Variants in ASAP2 observed in about 807,000 individuals in gnomAD.
ASAP2 encodes the protein arf-GAP with SH3 domain, ANK repeat and PH domain-containing protein 2.
ASAP2 carries 45 observed loss-of-function variants against 131.4 expected under a neutral mutation model. That is an observed-to-expected ratio of 0.34 (90% CI 0.27 to 0.44). The LOEUF (loss-of-function observed/expected upper bound fraction) is 0.44. Ranked by LOEUF, ASAP2 falls within the 20% of genes least tolerant of loss-of-function variation. The probability of loss-of-function intolerance (pLI) is 1.00; values close to 1 mark genes in which losing one functional copy is unlikely to be tolerated. For missense variants in ASAP2, 1,011 were observed against 1,297.0 expected (o/e 0.78, Z 3.39); for synonymous variants, 510 against 503.0 (o/e 1.01, Z -0.19).
Position 9,389,395 on chromosome 2 carries a change from G to A in ASAP2, c.2383+849G>A, listed in dbSNP as rs1455369784. On this transcript the variant is annotated intron_variant, in intron 22 of 27. Coordinates refer to ENST00000281419, the MANE Select transcript of ASAP2 (RefSeq NM_003887.3). This position sits in a 1 kb window ranked among gnomAD's most constrained non-coding sequence, Gnocchi z 4.7. ...CCAGGCATTGTGGCCGCTGTGAGCC[G>A]CTGATGGAGTGGAGCCCACGTCCCC... is the stretch of plus-strand genomic sequence containing the variant. Among the ~76,000 whole-genome samples, 2 of 152,216 alleles carry A rather than the reference G, an allele frequency of 1.3e-5. No homozygotes were observed. Among genetic ancestry groups the A allele is most frequent in the Non-Finnish European group, 2.9e-5 (2 of 68,036 alleles).
Position 9,391,195 on chromosome 2 carries a change from CAG to C in ASAP2, c.2518_2518+1del. The stretch of plus-strand genomic sequence containing the variant: ...TGCCCCCTCTTCGCGTGACATCTAC[CAG>C]TACGTTTTTTTCCTTTTTCCTTTCT... On this transcript the variant is annotated splice_donor_variant and coding_sequence_variant, in exon 23 of 28. Coordinates refer to ENST00000281419, the MANE Select transcript of ASAP2 (RefSeq NM_003887.3). LOFTEE classifies it high-confidence loss of function. 1 of 1,611,378 alleles carries C rather than the reference CAG, an allele frequency of 6.2e-7. No homozygotes were observed. Among genetic ancestry groups the C allele is most frequent in the East Asian group, 2.2e-5 (1 of 44,852 alleles).
Position 9,379,035 on chromosome 2 carries a change from CG to C in ASAP2, c.1929del (p.Lys644ArgfsTer6). On this transcript the variant is annotated frameshift_variant, in exon 19 of 28. Coordinates refer to ENST00000281419, the MANE Select transcript of ASAP2 (RefSeq NM_003887.3). LOFTEE classifies it high-confidence loss of function. ...TGCCGAGTGCCTCAAGTTGCTCCTG[CG>C]GGGGAAGGCCTCCATCGAGATAGGT... is the stretch of plus-strand genomic sequence containing the variant. Reference protein sequence around the residue: ...DNAECLKLLLRGKASIEIANE... With the variant: ...DNAECLKLLLXGKASIEIANE... The C allele has an allele frequency of 6.4e-7, 1 of 1,572,602 alleles. No homozygotes were observed. The highest frequency in any genetic ancestry group is 1.2e-5 in the South Asian group (1 of 85,128).
At position 9,388,369 on chromosome 2, in the gene ASAP2, G is replaced by T; in HGVS notation, c.2206G>T (p.Val736Leu). 6.2e-7 allele frequency: 1 copy of T among 1,614,148 alleles called. No homozygotes were observed. Among genetic ancestry groups the T allele is most frequent in the Non-Finnish European group, 8.5e-7 (1 of 1,180,026 alleles). The change falls in exon 22 of 28, where the codon GTA (valine) becomes TTA (leucine). Residue 736 changes from valine to leucine, a missense_variant. Transcript: ENST00000281419. The stretch of plus-strand genomic sequence containing the variant: ...CTCCAACCAGCTTCAGTCTAACGCT[G>T]TATCTTTGGCCAGAGATGCTGCAAA... ...LGSNQLQSNA[V>L]SLARDAANLA... is the part of the protein sequence containing the mutation.
chr2:9,216,480 A>G (rs1185039123), intron 1 of ASAP2, among the ~76,000 whole-genome samples: 48 of 70,802 alleles, frequency 6.8e-4, no homozygotes, highest in Non-Finnish European at 9.1e-4. Flanking sequence ...TTTTTTTTTG[A>G]GACGGTGTCT....
intron 5 of ASAP2, among the ~76,000 whole-genome samples, chr2:9,321,076 G>A (rs1479657843): frequency 6.6e-6 from 1 of 152,054 alleles, no homozygotes; most frequent in Non-Finnish European, 1.5e-5. Flanking sequence ...TATGAAATGT[G>A]GTGTTTACTT....
intron 16 of ASAP2, among the ~76,000 whole-genome samples, chr2:9,374,417 G>A (rs1406483136): frequency 6.6e-6 from 1 of 152,218 alleles, no homozygotes; most frequent in African/African-American, 2.4e-5. Context: ...CAGGGCATGC[G>A]GATTGGAAGG....
chr2:9,252,902 G>A (rs1190864519), intron 1 of ASAP2, among the ~76,000 whole-genome samples: 8 of 137,182 alleles, frequency 5.8e-5, no homozygotes, highest in Admixed American at 1.5e-4. Context: ...GCGACAAAGC[G>A]AGACTCCGTC....
At chr2:9,267,836 T>G (rs1170360381) in intron 1 of ASAP2, among the ~76,000 whole-genome samples, 3 of 145,632 alleles carry the variant, frequency 2.1e-5, no homozygotes, top group Non-Finnish European at 4.4e-5. Context: ...AGGCAGAGGT[T>G]GTAGTGAGTC....
At chr2:9,402,082 G>A (rs1219691039) in intron 27 of ASAP2, among the ~76,000 whole-genome samples, 1 of 152,246 alleles carries the variant, frequency 6.6e-6, no homozygotes, top group Non-Finnish European at 1.5e-5. Flanking sequence ...AAGTGGCACA[G>A]CTCCGCAACT....
chr2:9,247,668 A>C (rs1664428283), intron 1 of ASAP2, among the ~76,000 whole-genome samples: 1 of 152,236 alleles, frequency 6.6e-6, no homozygotes, highest in Non-Finnish European at 1.5e-5. Flanking sequence ...CTCAGTCATT[A>C]ATTAAGTGAA....
In ASAP2 at chr2:9,316,068, C is replaced by T. The variant is rs147329413; in HGVS notation, c.346-2456C>T. 6.7e-3 allele frequency among the ~76,000 whole-genome samples: 1,013 copies of T among 152,144 alleles called. 15 individuals carry two copies. Among genetic ancestry groups the T allele is most frequent in the African/African-American group, 0.023 (972 of 41,490 alleles). ...GCGTGGTGGCTCATGCCTGTAATCC[C>T]AGCACTTTGAGAGGCCGAGGAGGGC... On this transcript the variant is annotated intron_variant, in intron 3 of 27. Coordinates refer to ENST00000281419, the MANE Select transcript of ASAP2 (RefSeq NM_003887.3).
At chr2:9,307,662 A>C (rs948611293) in intron 3 of ASAP2, among the ~76,000 whole-genome samples, 16 of 152,322 alleles carry the variant, frequency 1.1e-4, no homozygotes, top group Non-Finnish European at 1.9e-4. Flanking sequence ...CTCCACTTAG[A>C]GCCTGAAAGA....
intron 1 of ASAP2, among the ~76,000 whole-genome samples, chr2:9,264,198 T>G (rs12998014): frequency 1.2e-5 from 1 of 84,138 alleles, no homozygotes; most frequent in African/African-American, 5.3e-5. Context: ...CTCAAAAAAA[T>G]AATAATAATA....
chr2:9,386,055 T>C (rs1401925588), intron 21 of ASAP2, among the ~76,000 whole-genome samples: 1 of 152,212 alleles, frequency 6.6e-6, no homozygotes, highest in African/African-American at 2.4e-5. Context: ...CCATCTGTCC[T>C]TCAGCATGGT....
At chr2:9,275,199 G>A (rs1264990247) in intron 1 of ASAP2, among the ~76,000 whole-genome samples, 3 of 151,516 alleles carry the variant, frequency 2.0e-5, no homozygotes, top group Non-Finnish European at 4.4e-5. Flanking sequence ...TCCCTCCTCA[G>A]CCTGGGATTA....
chr2:9,209,864 C>T (rs1265070208), intron 1 of ASAP2, among the ~76,000 whole-genome samples: 4 of 152,246 alleles, frequency 2.6e-5, no homozygotes, highest in East Asian at 1.9e-4. Flanking sequence ...CCACCACACC[C>T]GGCCAGCAAA....
intron 18 of ASAP2, among the ~76,000 whole-genome samples, chr2:9,377,819 G>A (rs1674522516): frequency 6.6e-6 from 1 of 152,140 alleles, no homozygotes; most frequent in Non-Finnish European, 1.5e-5. Context: ...GGGGAGTGTG[G>A]GGTGGTCAAC....
intron 9 of ASAP2, among the ~76,000 whole-genome samples, chr2:9,343,231 T>G (rs371006820): frequency 6.6e-6 from 1 of 152,204 alleles, no homozygotes; most frequent in Admixed American, 6.5e-5. Context: ...TTATTTTCAT[T>G]GTGTCCCTGT....
At chr2:9,399,111 G>A (rs1676414783) in intron 24 of ASAP2, 1 of 152,294 alleles carries the variant, frequency 6.6e-6, no homozygotes, top group African/African-American at 2.4e-5. Context: ...CCCATGTGAT[G>A]TTTTCTCTCC....
Sources: allele counts gnomAD v4.1 joint callset (sites outside exome capture counted in the v4.1 genomes callset), GRCh38; gene constraint gnomAD v4.1.1; non-coding constraint Gnocchi (gnomAD v3.1); transcripts MANE v1.5; gene names NCBI Gene and HGNC (gene_info 2026-07-23, HGNC 2026-07-21).